FKBP15: variants seen among roughly 807,000 people sequenced by gnomAD.
FKBP15 encodes FK506-binding protein 15.
Under a neutral mutation model 158.1 loss-of-function variants are expected in FKBP15, and 106 were observed. That is an observed-to-expected ratio of 0.67 (90% CI 0.57 to 0.79). The LOEUF (loss-of-function observed/expected upper bound fraction) is 0.79. Among genes scored for constraint, FKBP15 ranks in the 30% least tolerant of loss-of-function variants. The pLI is 0.00. For missense variants in FKBP15, 1,287 were observed against 1,479.1 expected (o/e 0.87, Z 2.13); for synonymous variants, 547 against 548.6 (o/e 1.00, Z 0.04).
In FKBP15 at chr9:113,199,003, C is replaced by T. The variant is rs562444006; in HGVS notation, c.649-80G>A. The stretch of plus-strand genomic sequence containing the variant: ...ATTATGATATTCAACTAACTACATA[C>T]CAGCACACTACTTCTGGAATAGGGA... On this transcript the variant is annotated intron_variant, in intron 7 of 27. Coordinates refer to ENST00000238256, the MANE Select transcript of FKBP15 (RefSeq NM_015258.2). The T allele has an allele frequency of 4.5e-6, 4 of 895,734 alleles. No homozygotes were observed. The Admixed American group carries it at 6.3e-5, about 14-fold the overall frequency. The allele number at this position is 895,734 out of a possible 1,614,324, so 55.5% of individuals were successfully genotyped here.
Position 113,162,961 on chromosome 9 carries a change from C to G in FKBP15, c.*3117G>C, listed in dbSNP as rs778009627. On this transcript the variant is annotated 3_prime_UTR_variant, in exon 28 of 28. Transcript: ENST00000238256. ...GCACTGAGGCTGGAGGGACATGGAGCCCCCTCTTCCAGACACTATACTTCC... is the reference window on the plus strand; with the variant it reads ...GCACTGAGGCTGGAGGGACATGGAGGCCCCTCTTCCAGACACTATACTTCC... The G allele has an allele frequency of 3.3e-6, 5 of 1,513,192 alleles. No individual in the cohort carries two copies. In the Admixed American group the frequency reaches 8.0e-5, roughly 24 times the overall value. The allele number at this position is 1,513,192 out of a possible 1,614,324, so 93.7% of individuals were successfully genotyped here.
intron 1 of FKBP15, among the ~76,000 whole-genome samples, chr9:113,220,113 T>A (rs1041605049): frequency 1.3e-5 from 2 of 152,248 alleles, no homozygotes; most frequent in Non-Finnish European, 2.9e-5. Context: ...AACTGAGTAT[T>A]TGTGGTTGCA....
intron 11 of FKBP15, among the ~76,000 whole-genome samples, chr9:113,190,857 A>T (rs985893896): frequency 6.6e-6 from 1 of 152,254 alleles, no homozygotes; most frequent in Non-Finnish European, 1.5e-5. Context: ...AGGCATAATT[A>T]GTCTCATTTT....
chr9:113,200,007 A>G (rs534712125), intron 6 of FKBP15, 44 bp from the exon 7 acceptor site: 8 of 1,571,840 alleles, frequency 5.1e-6, no homozygotes, highest in South Asian at 2.4e-5. Context: ...TTTAAGCTCA[A>G]TAAGTACTCA....
intron 1 of FKBP15, among the ~76,000 whole-genome samples, chr9:113,218,745 G>C (rs1185528002): frequency 3.9e-5 from 6 of 152,150 alleles, no homozygotes; most frequent in African/African-American, 1.4e-4. Flanking sequence ...TTGGGGTATG[G>C]AGGGACAAGG....
intron 27 of FKBP15, among the ~76,000 whole-genome samples, chr9:113,166,362 GA>G (rs1377922500): frequency 1.3e-5 from 2 of 152,214 alleles, no homozygotes; most frequent in African/African-American, 4.8e-5. Flanking sequence ...TCTTTCAACA[GA>G]GACAAAAGAT....
intron 14 of FKBP15, chr9:113,187,153 A>T (rs1830499242): frequency 6.6e-6 from 1 of 152,376 alleles, no homozygotes; most frequent in African/African-American, 2.4e-5. Flanking sequence ...GACTTTTTCC[A>T]GTTTCGAGAC....
rs1285341545 is a variant in FKBP15, at chr9:113,215,644, A to AT, written c.54-4053dup. ...TGTGTGTATATATATATATATATAT[A>AT]TTTTTTTTTTTTTTTTTTTTTTTGA... On this transcript the variant is annotated intron_variant, in intron 1 of 27. Transcript: ENST00000238256. Among the ~76,000 whole-genome samples, 297 of 61,550 alleles carry AT rather than the reference A, an allele frequency of 4.8e-3. 9 individuals are homozygous for AT. The highest frequency in any genetic ancestry group is 9.5e-3 in the African/African-American group (131 of 13,824). 40.4% of individuals were successfully genotyped at this position (61,550 alleles called of 152,430 possible). A position where few individuals can be genotyped will look rare whatever the true frequency, so the allele number is the denominator to read the frequency against.
chr9:113,180,080 C>T (rs913658038), intron 19 of FKBP15, among the ~76,000 whole-genome samples: 1 of 152,204 alleles, frequency 6.6e-6, no homozygotes, highest in Non-Finnish European at 1.5e-5. Context: ...CTCATAAGGA[C>T]TTGCAGCAGC....
At chr9:113,188,344 T>A (rs770334899) in intron 13 of FKBP15, 45 bp downstream of exon 13, 1 of 1,430,042 alleles carries the variant, frequency 7.0e-7, no homozygotes, top group Non-Finnish European at 9.9e-7. Context: ...ATAATTTTCA[T>A]GCTGACCCAG....
In FKBP15 at chr9:113,162,431, A is replaced by T. The variant is rs1190732039; in HGVS notation, c.*3647T>A. The T allele has an allele frequency of 4.2e-6, 1 of 240,682 alleles. No homozygotes were observed. The highest frequency in any genetic ancestry group is 8.0e-6 in the Non-Finnish European group (1 of 125,196). 14.9% of individuals were successfully genotyped at this position (240,682 alleles called of 1,614,324 possible). A position where few individuals can be genotyped will look rare whatever the true frequency, so the allele number is the denominator to read the frequency against. On this transcript the variant is annotated 3_prime_UTR_variant, in exon 28 of 28. Transcript: ENST00000238256. ...CCTCCCGAAGTAGATTCAGGGGGGAAATATGCCTTACTGATGATTTTCTCT... is the reference window on the plus strand; with the variant it reads ...CCTCCCGAAGTAGATTCAGGGGGGATATATGCCTTACTGATGATTTTCTCT...
In FKBP15 at chr9:113,197,006, C is replaced by G. The variant is rs779858527; in HGVS notation, c.790G>C (p.Val264Leu). The G allele has an allele frequency of 2.5e-6, 4 of 1,613,886 alleles. No individual in the cohort carries two copies. In the African/African-American group the frequency reaches 4.0e-5, roughly 16 times the overall value. The change falls in exon 9 of 28, where the codon GTT becomes CTT. Residue 264 changes from valine to leucine, a missense_variant. Physicochemically the swap from Val to Leu is conservative, Grantham distance 32. Transcript: ENST00000238256. ...RLLIVPPACA[V>L]GSEGVIGWTQ... ...CAGCCTATTACCCCTTCTGAGCCAA[C>G]AGCACAGGCTGGAGGGACAATAAGC...
At chr9:113,191,958 G>A (rs1366834473) in intron 11 of FKBP15, among the ~76,000 whole-genome samples, 1 of 150,098 alleles carries the variant, frequency 6.7e-6, no homozygotes, top group Non-Finnish European at 1.5e-5. Context: ...AACTAAAATG[G>A]AAAAGAAAAA....
In FKBP15 at chr9:113,162,678, C is replaced by A. The variant is rs138621751; in HGVS notation, c.*3400G>T. Reference sequence around the variant, plus strand: ...ACGTAACTCAACAGCTTTCTACTCCCTGATATCTACTCCCAGCTTCCTCAT... The same window carrying A: ...ACGTAACTCAACAGCTTTCTACTCCATGATATCTACTCCCAGCTTCCTCAT... On this transcript the variant is annotated 3_prime_UTR_variant, in exon 28 of 28. Transcript: ENST00000238256. The A allele has an allele frequency of 3.5e-6, 5 of 1,419,034 alleles. No homozygotes were observed. Among genetic ancestry groups the A allele is most frequent in the Non-Finnish European group, 4.8e-6 (5 of 1,031,732 alleles). 87.9% of individuals were successfully genotyped at this position (1,419,034 alleles called of 1,614,324 possible).
intron 4 of FKBP15, among the ~76,000 whole-genome samples, chr9:113,204,018 T>C (rs1163026771): frequency 6.6e-6 from 1 of 152,242 alleles, no homozygotes; most frequent in Non-Finnish European, 1.5e-5. Flanking sequence ...CTCCTGTTTA[T>C]GAACATTTGA....
rs1830559078 is a variant in FKBP15 at position 113,190,643 on chromosome 9, T to A, written c.1066-65A>T. The A allele has an allele frequency of 5.9e-6, 7 of 1,185,300 alleles. No individual in the cohort carries two copies. In the Admixed American group the frequency reaches 8.1e-5, roughly 14 times the overall value. The allele number at this position is 1,185,300 out of a possible 1,614,324, so 73.4% of individuals were successfully genotyped here. A position where few individuals can be genotyped will look rare whatever the true frequency, so the allele number is the denominator to read the frequency against. On this transcript the variant is annotated intron_variant, in intron 11 of 27. Transcript: ENST00000238256. ...AGCTCATCACCTTCAGGCAGCTCTA[T>A]CCCTTTGGCTCTTGTATCAAATCCT...
chr9:113,193,883 C>T, intron 10 of FKBP15, 144 bp downstream of exon 10: 1 of 952,902 alleles, frequency 1.0e-6, no homozygotes, highest in African/African-American at 1.7e-5. Flanking sequence ...AAATCTGATG[C>T]AAGTATCTTC....
chr9:113,162,281 T>C lies in FKBP15; in HGVS notation c.*3797A>G, dbSNP rs751802687. On this transcript the variant is annotated 3_prime_UTR_variant, in exon 28 of 28. Transcript: ENST00000238256. The stretch of plus-strand genomic sequence containing the variant: ...AAGGGAAGTATTCTCATTCCTGTTT[T>C]ACTGATAAGGAATCTTACGTTCAGA... The C allele has an allele frequency of 3.8e-5, 9 of 234,310 alleles. No individual in the cohort carries two copies. The highest frequency in any genetic ancestry group is 6.7e-5 in the Non-Finnish European group (8 of 118,850). 14.5% of individuals were successfully genotyped at this position (234,310 alleles called of 1,614,324 possible).
At chr9:113,210,482 G>A (rs1261114031) in intron 2 of FKBP15, among the ~76,000 whole-genome samples, 5 of 152,088 alleles carry the variant, frequency 3.3e-5, no homozygotes, top group Non-Finnish European at 4.4e-5. Flanking sequence ...ACAGGCAAGC[G>A]CCACCATGCC....
Sources: gnomAD v4.1 joint callset for allele counts (sites outside exome capture counted in the v4.1 genomes callset) on GRCh38, gnomAD v4.1.1 for gene constraint, MANE v1.5 for transcripts, NCBI Gene and HGNC (gene_info 2026-07-23, HGNC 2026-07-21) for gene names.